Variants in EVL observed in about 807,000 individuals in gnomAD.
The protein encoded by EVL is ena/VASP-like protein.
A neutral mutation model predicts 59.6 loss-of-function variants in EVL; 21 were observed. The ratio of observed to expected loss-of-function variants is 0.35; its 90% CI spans 0.25 to 0.51. The LOEUF is 0.51. Among genes scored for constraint, EVL ranks in the 20% least tolerant of loss-of-function variants. The pLI is 0.97. For missense variants in EVL, 462 were observed against 546.6 expected (o/e 0.85, Z 1.54); for synonymous variants, 198 against 203.5 (o/e 0.97, Z 0.23).
At chr14:100,051,938 A>G (rs1320852838) in intron 1 of EVL, among the ~76,000 whole-genome samples, 1 of 152,148 alleles carries the variant, frequency 6.6e-6, no homozygotes, top group East Asian at 1.9e-4. Flanking sequence ...ACATTTTACG[A>G]TCTTCCTTAC....
At chr14:100,008,001 A>G (rs1449748948) in intron 1 of EVL, among the ~76,000 whole-genome samples, 1 of 152,186 alleles carries the variant, frequency 6.6e-6, no homozygotes, top group Non-Finnish European at 1.5e-5. Context: ...GCTAGAAGCA[A>G]CACCCAACCT....
intron 1 of EVL, among the ~76,000 whole-genome samples, chr14:100,053,675 T>G (rs932841073): frequency 6.6e-6 from 1 of 152,250 alleles, no homozygotes; most frequent in Non-Finnish European, 1.5e-5. Flanking sequence ...ACCACTGAAT[T>G]GCACACTGTA....
intron 1 of EVL, among the ~76,000 whole-genome samples, chr14:100,039,703 C>G (rs2061438557): frequency 6.6e-6 from 1 of 152,106 alleles, no homozygotes; most frequent in African/African-American, 2.4e-5. Context: ...TAAGTAGTTT[C>G]CTAGCCTGGA....
chr14:100,135,105 C>G (rs1316550860), intron 8 of EVL: 2 of 152,138 alleles, frequency 1.3e-5, no homozygotes, highest in Non-Finnish European at 2.9e-5. Context: ...AATGAGGAGG[C>G]CTGAGAACCT....
upstream of EVL, among the ~76,000 whole-genome samples, chr14:100,061,172 C>T (rs554866060): frequency 6.6e-6 from 1 of 152,100 alleles, no homozygotes; most frequent in Admixed American, 6.5e-5. Flanking sequence ...GGACGGATCC[C>T]TTGAGACCAG....
intron 8 of EVL, among the ~76,000 whole-genome samples, chr14:100,133,220 G>A (rs535109369): frequency 9.2e-5 from 14 of 152,198 alleles, no homozygotes; most frequent in Admixed American, 8.5e-4. Context: ...AGCTTCAGGT[G>A]AGCTGTGGCA....
intron 1 of EVL, among the ~76,000 whole-genome samples, chr14:100,079,070 T>C (rs1404010895): frequency 6.6e-6 from 1 of 152,120 alleles, no homozygotes; most frequent in Non-Finnish European, 1.5e-5. Flanking sequence ...CCCAGAGGCC[T>C]CCCTCTGGAG....
chr14:100,084,055 T>TTC (rs1293441786), intron 1 of EVL, among the ~76,000 whole-genome samples: 1 of 150,782 alleles, frequency 6.6e-6, no homozygotes, highest in African/African-American at 2.4e-5. Flanking sequence ...TCTCTCTCTT[T>TTC]TTTTTTTTTT....
At position 100,130,418 on chromosome 14, in the gene EVL, C is replaced by T. The variant is rs1315247830; in HGVS notation, c.839+734C>T. Among the ~76,000 whole-genome samples, 2 of 152,174 alleles carry T rather than the reference C, an allele frequency of 1.3e-5. No homozygotes were observed. Among genetic ancestry groups the T allele is most frequent in the Non-Finnish European group, 2.9e-5 (2 of 68,034 alleles). On this transcript the variant is annotated intron_variant, in intron 7 of 13. Transcript: ENST00000392920. The surrounding 1 kb of genome is among the most constrained non-coding windows in gnomAD (Gnocchi z 4.8). ...TGTGCTCACCTTGGACTACCAATAT[C>T]GTGGCTCACTTAGGCACCAGAGGGC...
intron 3 of EVL, among the ~76,000 whole-genome samples, chr14:100,115,588 G>A (rs1014316707): frequency 6.6e-6 from 1 of 152,202 alleles, no homozygotes; most frequent in African/African-American, 2.4e-5. Flanking sequence ...TGAGCGCCTA[G>A]ACACAGCTTT....
intron 1 of EVL, among the ~76,000 whole-genome samples, chr14:100,051,972 G>A (rs925825809): frequency 9.9e-5 from 15 of 152,096 alleles, no homozygotes; most frequent in Admixed American, 5.9e-4. Context: ...ATAATACCTC[G>A]GTGGACCAAA....
intron 2 of EVL, among the ~76,000 whole-genome samples, chr14:100,092,113 C>A (rs2062577682): frequency 6.6e-6 from 1 of 152,020 alleles, no homozygotes; most frequent in Non-Finnish European, 1.5e-5. Flanking sequence ...CATGGTGGCA[C>A]ACACTTATGT....
intron 3 of EVL, among the ~76,000 whole-genome samples, chr14:100,101,095 C>T (rs1886188332): frequency 6.6e-6 from 1 of 152,120 alleles, no homozygotes; most frequent in East Asian, 1.9e-4. Flanking sequence ...CATGGTGGCT[C>T]ATGCCTGTAA....
intron 3 of EVL, among the ~76,000 whole-genome samples, chr14:100,103,654 G>GTGCTCCCCA (rs1040226662): frequency 6.6e-6 from 1 of 152,046 alleles, no homozygotes; most frequent in Non-Finnish European, 1.5e-5. Flanking sequence ...CCCCTTCTAT[G>GTGCTCCCCA]TGCTCCCCAT....
At chr14:100,050,835 C>G (rs1057426111) in intron 1 of EVL, among the ~76,000 whole-genome samples, 1 of 150,822 alleles carries the variant, frequency 6.6e-6, no homozygotes, top group East Asian at 1.9e-4. Flanking sequence ...TTCAACCTCC[C>G]AGGCTCAAGC....
Position 100,054,213 on chromosome 14 carries a change from C to G in EVL, c.6-30474C>G, listed in dbSNP as rs12887030. 0.011 allele frequency among the ~76,000 whole-genome samples: 1,686 copies of G among 152,100 alleles called. 98 individuals carry two copies. In the East Asian group the frequency reaches 0.18, roughly 16 times the overall value. On this transcript the variant is annotated intron_variant, in intron 1 of 13. Coordinates refer to the EVL transcript ENST00000402714. ...GGGATTATAGGCACGCGCCACCACACCCAGCTAATTTTTGTATTTTTAGCA... is the reference window on the plus strand; with the variant it reads ...GGGATTATAGGCACGCGCCACCACAGCCAGCTAATTTTTGTATTTTTAGCA...
chr14:100,101,182 T>A (rs1157212962), intron 3 of EVL, among the ~76,000 whole-genome samples: 2 of 151,926 alleles, frequency 1.3e-5, no homozygotes, highest in Non-Finnish European at 2.9e-5. Flanking sequence ...CAACCTCGTC[T>A]CTACTAAAAA....
chr14:100,132,170 G>A (rs772657098), intron 7 of EVL, among the ~76,000 whole-genome samples: 10 of 151,314 alleles, frequency 6.6e-5, no homozygotes, highest in Non-Finnish European at 1.2e-4. Context: ...TGCACGAACC[G>A]ACTCAAGGGC....
At chr14:100,119,860 C>T (rs1406320704) in intron 3 of EVL, among the ~76,000 whole-genome samples, 1 of 152,174 alleles carries the variant, frequency 6.6e-6, no homozygotes, top group African/African-American at 2.4e-5. Flanking sequence ...GTGCCCACTG[C>T]CTGCCCAGGT....
Sources: allele counts gnomAD v4.1 joint callset (sites outside exome capture counted in the v4.1 genomes callset), GRCh38; gene constraint gnomAD v4.1.1; non-coding constraint Gnocchi (gnomAD v3.1); transcripts MANE v1.5; gene names NCBI Gene and HGNC (gene_info 2026-07-23, HGNC 2026-07-21).